PATJ: variants seen among roughly 807,000 people sequenced by gnomAD.
The protein encoded by PATJ is PATJ crumbs cell polarity complex component, also known as inaD-like protein.
Under a neutral mutation model 224.9 loss-of-function variants are expected in PATJ, and 190 were observed. That is an observed-to-expected ratio of 0.84 (90% CI 0.75 to 0.95). The LOEUF is 0.95. Among genes scored for constraint, PATJ ranks in the 40% least tolerant of loss-of-function variants. The pLI is 0.00. For synonymous variants in PATJ, 769 were observed against 820.3 expected (o/e 0.94, Z 1.07); for missense variants, 2,121 against 2,270.3 (o/e 0.93, Z 1.34).
intron 27 of PATJ, among the ~76,000 whole-genome samples, chr1:61,949,073 C>T (rs893156614): frequency 3.1e-5 from 4 of 127,322 alleles, no homozygotes; most frequent in Admixed American, 2.6e-4. Context: ...GTGGGGTCGG[C>T]GGGGAGCGGG....
At chr1:62,058,225 G>A (rs1570374317) in intron 31 of PATJ, among the ~76,000 whole-genome samples, 1 of 152,236 alleles carries the variant, frequency 6.6e-6, no homozygotes, top group East Asian at 1.9e-4. Context: ...GTTTTCAGAG[G>A]TAACTTACCA....
chr1:61,810,118 G>A (rs1186902658), intron 14 of PATJ, among the ~76,000 whole-genome samples: 1 of 151,982 alleles, frequency 6.6e-6, no homozygotes, highest in Middle Eastern at 3.2e-3. Flanking sequence ...CCAGAGTGCT[G>A]GGATTACAGG....
At chr1:62,096,711 G>T (rs1017586097) in intron 33 of PATJ, among the ~76,000 whole-genome samples, 7 of 152,016 alleles carry the variant, frequency 4.6e-5, no homozygotes, top group Admixed American at 2.0e-4. Context: ...CTCCTCCCGG[G>T]TTCAAGTGAT....
At position 61,810,558 on chromosome 1, in the gene PATJ, A is replaced by G. The variant is rs189522478; in HGVS notation, c.1683+2028A>G. On this transcript the variant is annotated intron_variant, in intron 14 of 43. Transcript: ENST00000642238. ...CTAGAAATACAAAACTTAGCCGGGC[A>G]TGGTGGCATGCACCTGTAGCCCCAG... 7.2e-5 allele frequency among the ~76,000 whole-genome samples: 11 copies of G among 152,102 alleles called. No homozygotes were observed. In the East Asian group the frequency reaches 1.9e-3, roughly 27 times the overall value.
intron 27 of PATJ, among the ~76,000 whole-genome samples, chr1:61,937,877 C>G (rs1571385445): frequency 6.6e-6 from 1 of 152,062 alleles, no homozygotes. Context: ...CTCAAACTCC[C>G]AACCTCAGAT....
intron 31 of PATJ, among the ~76,000 whole-genome samples, chr1:62,059,689 A>G (rs908848262): frequency 6.6e-6 from 1 of 152,194 alleles, no homozygotes; most frequent in African/African-American, 2.4e-5. Flanking sequence ...CATATAAAAT[A>G]TAAAGAATCA....
intron 41 of PATJ, among the ~76,000 whole-genome samples, chr1:62,140,189 G>A (rs1038882483): frequency 2.0e-5 from 3 of 152,118 alleles, no homozygotes; most frequent in Admixed American, 6.6e-5. Flanking sequence ...AGGCAGAAGC[G>A]TGGACAACCC....
rs774927205 is a variant in PATJ, at chr1:61,771,467, C to T, written c.561C>T (p.Ala187=). 4.1e-5 allele frequency: 65 copies of T among 1,603,846 alleles called. No homozygotes were observed. Among genetic ancestry groups the T allele is most frequent in the Non-Finnish European group, 5.2e-5 (61 of 1,176,496 alleles). Residue 187 remains alanine (A), a synonymous_variant, in exon 6 of 44, where the codon GCC becomes GCT. Transcript: ENST00000642238. ...TAAAGGAAAATGATCAAATATTGGC[C>T]ATTAATCACACGCCATTGGATCAGA... is the stretch of plus-strand genomic sequence containing the variant. ...QRLKENDQIL[A]INHTPLDQNI...
At chr1:61,987,631 C>A (rs978232338) in intron 27 of PATJ, among the ~76,000 whole-genome samples, 2 of 152,140 alleles carry the variant, frequency 1.3e-5, no homozygotes, top group African/African-American at 2.4e-5. Context: ...CTCTGCAGAA[C>A]CCCTAAAATG....
At chr1:62,013,337 C>T in intron 28 of PATJ, 3 of 984,956 alleles carry the variant, frequency 3.0e-6, no homozygotes, top group Non-Finnish European at 3.6e-6. Flanking sequence ...TTTTTTTTAA[C>T]CTTAGTCACT....
At chr1:61,875,966 T>C (rs1023420681) in intron 21 of PATJ, among the ~76,000 whole-genome samples, 3 of 152,162 alleles carry the variant, frequency 2.0e-5, no homozygotes, top group Non-Finnish European at 2.9e-5. Context: ...CATTATAAAA[T>C]TGACATCCCT....
At chr1:61,806,932 A>T (rs1377745357) in intron 13 of PATJ, among the ~76,000 whole-genome samples, 1 of 151,982 alleles carries the variant, frequency 6.6e-6, no homozygotes, top group Non-Finnish European at 1.5e-5. Context: ...AGGGTGGATC[A>T]CTTGAGGTCG....
rs66752201 is a variant in PATJ at position 61,883,757 on chromosome 1, TAA to T, written c.2960-462_2960-461del. Among the ~76,000 whole-genome samples, 254 of 113,918 alleles carry T rather than the reference TAA, an allele frequency of 2.2e-3. 1 individual carries two copies. The highest frequency in any genetic ancestry group is 3.3e-3 in the East Asian group (13 of 3,980). 74.7% of individuals were successfully genotyped at this position (113,918 alleles called of 152,430 possible). A position where few individuals can be genotyped will look rare whatever the true frequency, so the allele number is the denominator to read the frequency against. On this transcript the variant is annotated intron_variant, in intron 21 of 43. Coordinates refer to ENST00000642238, the MANE Select transcript of PATJ (RefSeq NM_001350145.3). ...GGCAACAGAGAGAGACTCCGTCTCT[TAA>T]AAAAAAAAAAAAAAAAAGAATGTAA... is the stretch of plus-strand genomic sequence containing the variant.
At chr1:62,117,644 T>C (rs1181754608) in intron 37 of PATJ, among the ~76,000 whole-genome samples, 5 of 152,220 alleles carry the variant, frequency 3.3e-5, no homozygotes, top group African/African-American at 1.2e-4. Flanking sequence ...TAATGGCATA[T>C]TCCTAGGAGA....
At chr1:61,869,290 T>C (rs137910928) in intron 20 of PATJ, among the ~76,000 whole-genome samples, 4,723 of 151,498 alleles carry the variant, frequency 0.031, 257 homozygotes, top group African/African-American at 0.11. Flanking sequence ...GTATTTTTAG[T>C]AGAGACGGGG....
chr1:62,019,874 A>G (rs1261345437), intron 29 of PATJ, among the ~76,000 whole-genome samples: 10 of 152,128 alleles, frequency 6.6e-5, no homozygotes, highest in Non-Finnish European at 1.2e-4. Context: ...AACTTTGCAT[A>G]AAGTTGTGTG....
chr1:62,129,029 C>A, intron 41 of PATJ, 84 bp downstream of exon 41: 3 of 815,496 alleles, frequency 3.7e-6, no homozygotes, highest in Non-Finnish European at 6.2e-6. Flanking sequence ...CAGTAGACAT[C>A]GCCACCCAGC....
In PATJ at chr1:62,038,065, A is replaced by G; in HGVS notation, c.4032+16A>G. 1 of 1,510,132 alleles carries G rather than the reference A, an allele frequency of 6.6e-7. No homozygotes were observed. Among genetic ancestry groups the G allele is most frequent in the Non-Finnish European group, 9.1e-7 (1 of 1,093,436 alleles). The allele number at this position is 1,510,132 out of a possible 1,614,324, so 93.5% of individuals were successfully genotyped here. A position where few individuals can be genotyped will look rare whatever the true frequency, so the allele number is the denominator to read the frequency against. On this transcript the variant is annotated intron_variant, in intron 30 of 43. Transcript: ENST00000642238. ...TTCTATTGAGGTAAGGTTGTTTCTA[A>G]TTAGCTCTTAGTATATTAGATGGAT...
intron 22 of PATJ, among the ~76,000 whole-genome samples, chr1:61,896,025 G>A (rs1014142994): frequency 3.3e-5 from 5 of 152,108 alleles, no homozygotes; most frequent in Admixed American, 2.0e-4. Flanking sequence ...ATGGCCAGGC[G>A]GTTGCTGACG....
Sources: gnomAD v4.1 joint callset for allele counts (sites outside exome capture counted in the v4.1 genomes callset) on GRCh38, gnomAD v4.1.1 for gene constraint, MANE v1.5 for transcripts, NCBI Gene and HGNC (gene_info 2026-07-23, HGNC 2026-07-21) for gene names.